Variants in KLF13 observed in about 807,000 individuals in gnomAD.
The protein encoded by KLF13 is KLF transcription factor 13.
Under a neutral mutation model 16.7 loss-of-function variants are expected in KLF13, and 8 were observed. The ratio of observed to expected loss-of-function variants is 0.48; its 90% CI spans 0.28 to 0.87. The LOEUF is 0.87. Among genes scored for constraint, KLF13 ranks in the 40% least tolerant of loss-of-function variants. The pLI is 0.10. For missense variants in KLF13, 447 were observed against 452.2 expected, an observed-to-expected ratio of 0.99 and a Z score of 0.10; for synonymous variants, 245 against 208.4, an observed-to-expected ratio of 1.18 and a Z score of -1.51.
upstream of KLF13, among the ~76,000 whole-genome samples, chr15:31,391,374 G>T (rs1274225050): frequency 3.1e-5 from 4 of 127,782 alleles, no homozygotes; most frequent in East Asian, 2.5e-4. Flanking sequence ...TGGGTGTGGG[G>T]TCTGTGGGGG....
In KLF13 at chr15:31,330,456, G is replaced by C. The variant is rs561215799; in HGVS notation, c.577+2667G>C. On this transcript the variant is annotated intron_variant, in intron 1 of 1. Transcript: ENST00000307145. The stretch of plus-strand genomic sequence containing the variant: ...TGTTCCTCTATGTGACCAGGGACCG[G>C]TTCCCAGATCTCCCTGCAACTTGGT... Among the ~76,000 whole-genome samples the C allele has an allele frequency of 1.8e-4, 27 of 152,344 alleles. No individual in the cohort carries two copies. The South Asian group carries it at 1.9e-3, about 11-fold the overall frequency.
rs61088868 is a variant in KLF13 at position 31,397,875 on chromosome 15, G to GGA, written n.529+4185_529+4186insAG. Among the ~76,000 whole-genome samples, 7 of 83,504 alleles carry GGA rather than the reference G, an allele frequency of 8.4e-5. No homozygotes were observed. In the East Asian group the frequency reaches 1.8e-3, roughly 22 times the overall value. The allele number at this position is 83,504 out of a possible 152,430, so 54.8% of individuals were successfully genotyped here. A position where few individuals can be genotyped will look rare whatever the true frequency, so the allele number is the denominator to read the frequency against. ...TTCTCTGGTCTTTGGGGGTGGCGGCGGGGGGGGTGGTGATCCACTCTCCCT... is the reference window on the plus strand; with the variant it reads ...TTCTCTGGTCTTTGGGGGTGGCGGCGGAGGGGGGGTGGTGATCCACTCTCCCT... On this transcript the variant is annotated intron_variant and non_coding_transcript_variant, in intron 2 of 2. Transcript: ENST00000500533.
At chr15:31,339,844 C>A in intron 1 of KLF13, 1 of 667,896 alleles carries the variant, frequency 1.5e-6, no homozygotes, top group South Asian at 1.5e-5. Flanking sequence ...CGTGGGAGTG[C>A]CCCAGGTGGC....
At chr15:31,411,247 G>A (rs2040189867) in intron 1 of KLF13, among the ~76,000 whole-genome samples, 1 of 151,960 alleles carries the variant, frequency 6.6e-6, no homozygotes, top group Non-Finnish European at 1.5e-5. Flanking sequence ...ATTGAATCCA[G>A]CAATATATAA....
At chr15:31,330,382 T>C (rs1450833174) in intron 1 of KLF13, among the ~76,000 whole-genome samples, 1 of 152,234 alleles carries the variant, frequency 6.6e-6, no homozygotes, top group African/African-American at 2.4e-5. Context: ...AGTAATTTCA[T>C]GGCAGAGGGT....
chr15:31,411,674 C>T (rs977559044), intron 1 of KLF13, among the ~76,000 whole-genome samples: 9 of 151,350 alleles, frequency 5.9e-5, no homozygotes, highest in Non-Finnish European at 8.8e-5. Context: ...CAAAGTGCTA[C>T]GATTACAAGC....
At chr15:31,427,165 T>C (rs1595516300) in intron 1 of KLF13, among the ~76,000 whole-genome samples, 1 of 152,038 alleles carries the variant, frequency 6.6e-6, no homozygotes, top group African/African-American at 2.4e-5. Flanking sequence ...GTAAGCGAGT[T>C]CCCCTAATAA....
rs368501750 is a variant in KLF13 at position 31,425,198 on chromosome 15, T to A, written n.118-10172T>A. Among the ~76,000 whole-genome samples the A allele has an allele frequency of 3.3e-5, 5 of 152,218 alleles. No individual in the cohort carries two copies. In the South Asian group the frequency reaches 8.3e-4, roughly 25 times the overall value. ...GATTAGAAGACTCAATGCTGTTAAA[T>A]GTTCATACTACCCAAAGAAATTTGC... On this transcript the variant is annotated intron_variant and non_coding_transcript_variant, in intron 1 of 1. Coordinates refer to the KLF13 transcript ENST00000558225.
At chr15:31,378,370 C>T (rs1183372940), downstream of KLF13, among the ~76,000 whole-genome samples, 2 of 152,206 alleles carry the variant, frequency 1.3e-5, no homozygotes, top group Non-Finnish European at 2.9e-5. Flanking sequence ...CTACCACGGG[C>T]ACTGACCCCA....
intron 1 of KLF13, chr15:31,420,681 C>G: frequency 3.2e-6 from 1 of 309,908 alleles, no homozygotes; most frequent in Non-Finnish European, 6.2e-6. Context: ...CCAGACTGTC[C>G]TTTTTTTTTC....
At chr15:31,353,528 T>TC (rs2039250006) in intron 1 of KLF13, among the ~76,000 whole-genome samples, 1 of 152,238 alleles carries the variant, frequency 6.6e-6, no homozygotes, top group African/African-American at 2.4e-5. Context: ...CATTTTCAAT[T>TC]CCCTTTATTG....
intron 1 of KLF13, among the ~76,000 whole-genome samples, chr15:31,423,165 G>GTATATATATATACA (rs376911597): frequency 1.9e-5 from 2 of 104,440 alleles, no homozygotes; most frequent in Non-Finnish European, 3.5e-5. Context: ...GTATATATAT[G>GTATATATATATACA]TATATATATA....
intron 1 of KLF13, among the ~76,000 whole-genome samples, chr15:31,335,572 C>T (rs1354476581): frequency 1.3e-5 from 2 of 152,166 alleles, no homozygotes; most frequent in African/African-American, 2.4e-5. Context: ...CAACATCTTT[C>T]TGGACAAACA....
intron 1 of KLF13, among the ~76,000 whole-genome samples, chr15:31,409,979 G>C (rs1365391560): frequency 1.3e-5 from 2 of 152,038 alleles, no homozygotes; most frequent in Non-Finnish European, 2.9e-5. Flanking sequence ...ATAAAATAAA[G>C]TCTATTTAAA....
At chr15:31,365,774 A>C (rs1248403634) in intron 1 of KLF13, among the ~76,000 whole-genome samples, 1 of 150,844 alleles carries the variant, frequency 6.6e-6, no homozygotes, top group Non-Finnish European at 1.5e-5. Context: ...GAGCACGCAC[A>C]CTCCTGAGCT....
At position 31,422,042 on chromosome 15, in the gene KLF13, G is replaced by A. The variant is rs190514392; in HGVS notation, n.118-13328G>A. Among the ~76,000 whole-genome samples the A allele has an allele frequency of 3.8e-4, 58 of 151,950 alleles. 2 individuals carry two copies. The highest frequency in any genetic ancestry group is 1.4e-3 in the African/African-American group (57 of 41,424). On this transcript the variant is annotated intron_variant and non_coding_transcript_variant, in intron 1 of 1. Transcript: ENST00000558225. Reference sequence around the variant, plus strand: ...AGGCAGGAGAATAGCTTGAACCTGGGAGGCGGAGGTTGCAGTGAGCTGAGA... The same window carrying A: ...AGGCAGGAGAATAGCTTGAACCTGGAAGGCGGAGGTTGCAGTGAGCTGAGA...
At chr15:31,378,930 G>A (rs181557079), downstream of KLF13, among the ~76,000 whole-genome samples, 98 of 152,246 alleles carry the variant, frequency 6.4e-4, 2 homozygotes, top group African/African-American at 2.3e-3. Flanking sequence ...ATATTGGCCA[G>A]GCTGGTCTCA....
chr15:31,428,819 A>G (rs1362969769), intron 1 of KLF13, among the ~76,000 whole-genome samples: 1 of 148,704 alleles, frequency 6.7e-6, no homozygotes, highest in Non-Finnish European at 1.5e-5. Flanking sequence ...AAAAAAAAAA[A>G]AAAAAAGAAA....
At chr15:31,331,018 C>A (rs1335401562) in intron 1 of KLF13, among the ~76,000 whole-genome samples, 1 of 152,200 alleles carries the variant, frequency 6.6e-6, no homozygotes, top group African/African-American at 2.4e-5. Flanking sequence ...TCTGGAGAGT[C>A]CTGCGTGTTG....
Sources: allele counts gnomAD v4.1 joint callset (sites outside exome capture counted in the v4.1 genomes callset), GRCh38; gene constraint gnomAD v4.1.1; transcripts MANE v1.5; gene names NCBI Gene and HGNC (gene_info 2026-07-23, HGNC 2026-07-21).